ARHGAP20: variants seen among roughly 807,000 people sequenced by gnomAD.
ARHGAP20 encodes Rho GTPase activating protein 20.
Under a neutral mutation model 73.7 loss-of-function variants are expected in ARHGAP20, and 34 were observed. That is an observed-to-expected ratio of 0.46 (90% CI 0.35 to 0.61). The LOEUF is 0.61. Ranked by LOEUF, ARHGAP20 falls within the 20% of genes least tolerant of loss-of-function variation. The pLI, the probability that ARHGAP20 is intolerant of heterozygous loss-of-function variation, is 0.00. For missense variants in ARHGAP20, 1,314 were observed against 1,420.9 expected, an observed-to-expected ratio of 0.92 and a Z score of 1.21; for synonymous variants, 523 against 518.2, an observed-to-expected ratio of 1.01 and a Z score of -0.13.
At chr11:110,704,920 A>G (rs911246532) in intron 1 of ARHGAP20, among the ~76,000 whole-genome samples, 1 of 152,170 alleles carries the variant, frequency 6.6e-6, no homozygotes, top group Non-Finnish European at 1.5e-5. Context: ...AACTCCATTG[A>G]ATCATAAAAA....
At chr11:110,682,728 T>C (rs1212353305) in intron 2 of ARHGAP20, among the ~76,000 whole-genome samples, 1 of 152,172 alleles carries the variant, frequency 6.6e-6, no homozygotes, top group Non-Finnish European at 1.5e-5. Context: ...CTATACATTA[T>C]ATAATGGAAG....
In ARHGAP20 at chr11:110,578,624, G is replaced by A. The variant is rs982723663; in HGVS notation, c.*746C>T. 47 of 985,262 alleles carry A rather than the reference G, an allele frequency of 4.8e-5. No homozygotes were observed. The highest frequency in any genetic ancestry group is 5.5e-5 in the Non-Finnish European group (46 of 829,924). 61.0% of individuals were successfully genotyped at this position (985,262 alleles called of 1,614,324 possible). On this transcript the variant is annotated 3_prime_UTR_variant, in exon 15 of 15. Coordinates refer to ENST00000683387, the MANE Select transcript of ARHGAP20 (RefSeq NM_001384657.1). ...TACCTTTGAAAGGGTACTGAAATGGGCAGCCATTTTCTTCTTTCTCCTCAC... is the reference window on the plus strand; with the variant it reads ...TACCTTTGAAAGGGTACTGAAATGGACAGCCATTTTCTTCTTTCTCCTCAC...
At chr11:110,648,221 G>GTAAATATATATATGTAAATATA (rs1949257915) in intron 2 of ARHGAP20, among the ~76,000 whole-genome samples, 3 of 76,668 alleles carry the variant, frequency 3.9e-5, no homozygotes, top group Non-Finnish European at 8.4e-5. Context: ...ATATATATAT[G>GTAAATATATATATGTAAATATA]TATATATATA....
At chr11:110,696,655 T>C (rs1255206699) in intron 1 of ARHGAP20, among the ~76,000 whole-genome samples, 1 of 151,656 alleles carries the variant, frequency 6.6e-6, no homozygotes, top group East Asian at 1.9e-4. Flanking sequence ...ATTGGGCTTC[T>C]AGCATATTCA....
chr11:110,677,949 T>C (rs1949965508), intron 2 of ARHGAP20, among the ~76,000 whole-genome samples: 2 of 152,184 alleles, frequency 1.3e-5, no homozygotes, highest in Non-Finnish European at 1.5e-5. Context: ...TATTCATAAA[T>C]AGCCAAAATG....
upstream of ARHGAP20, chr11:110,712,502 G>C (rs1190792639): frequency 6.5e-6 from 1 of 154,896 alleles, no homozygotes; most frequent in Non-Finnish European, 1.4e-5. Flanking sequence ...CGCTCCGGGC[G>C]CCCTGCGCCG....
Position 110,586,281 on chromosome 11 carries a change from G to C in ARHGAP20, c.1350C>G (p.Leu450=). 7.6e-6 allele frequency: 12 copies of C among 1,574,534 alleles called. No homozygotes were observed. The highest frequency in any genetic ancestry group is 2.3e-5 in the East Asian group (1 of 43,402). ...CCATTACAGAGACCCAGTGATCATA[G>C]AGATCTGATGAAAAAATACTTCCTG... ...NIPGSIFSSD[L]YDHWVSVMDQ... Residue 450 remains leucine, a synonymous_variant, in exon 12 of 15, where the codon CTC becomes CTG. Transcript: ENST00000683387.
At chr11:110,658,883 G>A (rs1949533723) in intron 2 of ARHGAP20, among the ~76,000 whole-genome samples, 2 of 152,142 alleles carry the variant, frequency 1.3e-5, no homozygotes, top group Admixed American at 1.3e-4. Flanking sequence ...TGTTGCTAAG[G>A]AGTTAACTAT....
intron 2 of ARHGAP20, among the ~76,000 whole-genome samples, chr11:110,658,059 A>C (rs1565462769): frequency 6.6e-6 from 1 of 152,192 alleles, no homozygotes; most frequent in Admixed American, 6.5e-5. Context: ...CCTGAGTTTG[A>C]AACTTGACCT....
intron 2 of ARHGAP20, among the ~76,000 whole-genome samples, chr11:110,685,185 TGACCATAAAATTA>T (rs1456666175): frequency 7.1e-6 from 1 of 140,906 alleles, no homozygotes; most frequent in Non-Finnish European, 1.5e-5. Context: ...AATAATTATA[TGACCATAAAATTA>T]GAAGTTTAAC....
intron 1 of ARHGAP20, among the ~76,000 whole-genome samples, chr11:110,710,778 G>A (rs1223776583): frequency 2.0e-5 from 3 of 152,106 alleles, no homozygotes; most frequent in South Asian, 2.1e-4. Context: ...TTCTATACTC[G>A]GCACACCGAT....
intron 6 of ARHGAP20, among the ~76,000 whole-genome samples, chr11:110,612,158 C>T (rs750675067): frequency 6.6e-6 from 1 of 151,946 alleles, no homozygotes; most frequent in African/African-American, 2.4e-5. Flanking sequence ...CAAGCTCATG[C>T]CTGTAATCCT....
At chr11:110,669,012 T>G (rs777945908) in intron 2 of ARHGAP20, among the ~76,000 whole-genome samples, 1 of 152,080 alleles carries the variant, frequency 6.6e-6, no homozygotes, top group Non-Finnish European at 1.5e-5. Context: ...TCTGAAACTA[T>G]AAAACTTCTA....
At chr11:110,698,454 T>A (rs1316548055) in intron 1 of ARHGAP20, among the ~76,000 whole-genome samples, 1 of 151,828 alleles carries the variant, frequency 6.6e-6, no homozygotes, top group East Asian at 1.9e-4. Context: ...TAGGAAATAA[T>A]CCCTCCTCAT....
At chr11:110,612,192 G>A (rs1948381541) in intron 6 of ARHGAP20, among the ~76,000 whole-genome samples, 1 of 151,924 alleles carries the variant, frequency 6.6e-6, no homozygotes, top group Non-Finnish European at 1.5e-5. Context: ...GCCGAGGTGG[G>A]CGGGTCATGA....
chr11:110,711,608 C>A (rs1312139491), intron 1 of ARHGAP20: 23 of 1,485,706 alleles, frequency 1.5e-5, no homozygotes, highest in Non-Finnish European at 2.0e-5. Flanking sequence ...CGCGCCTCGG[C>A]GGGCAGGTGA....
At chr11:110,675,639 C>G (rs1205219460) in intron 2 of ARHGAP20, among the ~76,000 whole-genome samples, 2 of 152,142 alleles carry the variant, frequency 1.3e-5, no homozygotes, top group Non-Finnish European at 2.9e-5. Context: ...CTAGGAGAAT[C>G]TAGGTGGTAG....
intron 9 of ARHGAP20, among the ~76,000 whole-genome samples, chr11:110,593,281 T>C (rs1343224071): frequency 6.6e-6 from 1 of 152,224 alleles, no homozygotes; most frequent in Non-Finnish European, 1.5e-5. Context: ...GAAATGTTTT[T>C]GGTGTCATTT....
At chr11:110,591,842 A>T in intron 10 of ARHGAP20, 135 bp downstream of exon 10, 1 of 886,620 alleles carries the variant, frequency 1.1e-6, no homozygotes, top group Non-Finnish European at 1.7e-6. Flanking sequence ...TGTTATTTGG[A>T]GGAATAATAG....
Sources: allele counts gnomAD v4.1 joint callset (sites outside exome capture counted in the v4.1 genomes callset), GRCh38; gene constraint gnomAD v4.1.1; transcripts MANE v1.5; gene names NCBI Gene and HGNC (gene_info 2026-07-23, HGNC 2026-07-21).